CCDC178: variants seen among roughly 807,000 people sequenced by gnomAD.
The protein encoded by CCDC178 is coiled-coil domain containing 178.
A neutral mutation model predicts 117.4 loss-of-function variants in CCDC178; 126 were observed. That is an observed-to-expected ratio of 1.07 (90% CI 0.93 to 1.24). The LOEUF (loss-of-function observed/expected upper bound fraction) is 1.24. CCDC178 is among the 50% of genes most tolerant of loss of function. CCDC178 has a pLI of 0.00. For missense variants in CCDC178, 1,030 were observed against 986.9 expected (o/e 1.04, Z -0.59); for synonymous variants, 283 against 313.4 (o/e 0.90, Z 1.02).
At chr18:33,010,795 G>A (rs1286886293) in intron 21 of CCDC178, among the ~76,000 whole-genome samples, 1 of 152,046 alleles carries the variant, frequency 6.6e-6, no homozygotes, top group East Asian at 1.9e-4. Context: ...ATCACCAAGA[G>A]CCTCAATAAA....
chr18:33,384,548 G>A (rs1206991222), intron 5 of CCDC178, among the ~76,000 whole-genome samples: 1 of 152,114 alleles, frequency 6.6e-6, no homozygotes, highest in African/African-American at 2.4e-5. Context: ...AAGAGATTGG[G>A]GGCCAACATT....
At chr18:33,425,424 T>C (rs546354815) in intron 2 of CCDC178, among the ~76,000 whole-genome samples, 14 of 152,328 alleles carry the variant, frequency 9.2e-5, no homozygotes, top group Admixed American at 8.5e-4. Flanking sequence ...CTCCCTGCCT[T>C]GGCCTCAGAT....
intron 17 of CCDC178, 48 bp downstream of exon 17, chr18:33,224,727 A>C: frequency 8.5e-7 from 1 of 1,170,920 alleles, no homozygotes; most frequent in Non-Finnish European, 1.2e-6. Flanking sequence ...GTAACTTACT[A>C]ACGTATATAT....
At chr18:33,261,285 G>T (rs1028657213) in intron 14 of CCDC178, among the ~76,000 whole-genome samples, 1 of 151,964 alleles carries the variant, frequency 6.6e-6, no homozygotes, top group African/African-American at 2.4e-5. Context: ...GGGTTTCACC[G>T]TGTTAGCCAG....
At chr18:33,213,569 C>T (rs922395145) in intron 19 of CCDC178, among the ~76,000 whole-genome samples, 5 of 151,904 alleles carry the variant, frequency 3.3e-5, no homozygotes, top group Non-Finnish European at 7.4e-5. Context: ...TATATTTTGA[C>T]CACATGTACT....
chr18:33,112,616 GTC>G (rs931449325), intron 20 of CCDC178, among the ~76,000 whole-genome samples: 1 of 151,902 alleles, frequency 6.6e-6, no homozygotes, highest in African/African-American at 2.4e-5. Context: ...CACTAGAAGA[GTC>G]TGCAACAGCA....
At chr18:33,215,988 C>T (rs910020097) in intron 18 of CCDC178, among the ~76,000 whole-genome samples, 3 of 151,848 alleles carry the variant, frequency 2.0e-5, no homozygotes, top group African/African-American at 7.3e-5. Context: ...GTCCCAGCTA[C>T]TTGGGAGGCT....
At chr18:33,065,321 A>C (rs1432915767) in intron 21 of CCDC178, among the ~76,000 whole-genome samples, 1 of 152,168 alleles carries the variant, frequency 6.6e-6, no homozygotes, top group Non-Finnish European at 1.5e-5. Flanking sequence ...ATCATTATAC[A>C]ACATATATAT....
At chr18:33,318,331 C>A (rs2062448799) in intron 11 of CCDC178, among the ~76,000 whole-genome samples, 1 of 152,168 alleles carries the variant, frequency 6.6e-6, no homozygotes, top group Non-Finnish European at 1.5e-5. Flanking sequence ...AAGCTGAGAT[C>A]ATTGGAAGCC....
chr18:33,367,782 C>G (rs374779889), intron 6 of CCDC178, among the ~76,000 whole-genome samples: 1 of 151,536 alleles, frequency 6.6e-6, no homozygotes, highest in Admixed American at 6.6e-5. Context: ...ACTGCACAGT[C>G]AATAATAAAA....
At chr18:33,034,177 T>C (rs2144870830) in intron 21 of CCDC178, among the ~76,000 whole-genome samples, 1 of 152,058 alleles carries the variant, frequency 6.6e-6, no homozygotes, top group Non-Finnish European at 1.5e-5. Flanking sequence ...ACCTCTGAAT[T>C]ATGTCTCATT....
At chr18:33,021,700 T>C (rs1407557140) in intron 21 of CCDC178, among the ~76,000 whole-genome samples, 3 of 152,120 alleles carry the variant, frequency 2.0e-5, no homozygotes, top group Non-Finnish European at 4.4e-5. Context: ...TGTTTATTCC[T>C]CAAACTGCTA....
At chr18:33,039,456 C>T (rs749654739) in intron 21 of CCDC178, among the ~76,000 whole-genome samples, 1 of 152,006 alleles carries the variant, frequency 6.6e-6, no homozygotes, top group Non-Finnish European at 1.5e-5. Flanking sequence ...ACCAGCAAGG[C>T]CAGGTCTAGA....
intron 21 of CCDC178, among the ~76,000 whole-genome samples, chr18:33,039,246 A>G (rs2056501899): frequency 6.6e-6 from 1 of 152,052 alleles, no homozygotes; most frequent in African/African-American, 2.4e-5. Context: ...AAGCATTTCT[A>G]ATTGGAGTAA....
chr18:33,338,765 G>C (rs2062776274), intron 9 of CCDC178, among the ~76,000 whole-genome samples: 1 of 152,108 alleles, frequency 6.6e-6, no homozygotes, highest in African/African-American at 2.4e-5. Flanking sequence ...GGGGTGGCAA[G>C]GGGTAAAAGA....
intron 22 of CCDC178, among the ~76,000 whole-genome samples, chr18:32,948,256 C>T (rs1293564162): frequency 6.6e-6 from 1 of 152,088 alleles, no homozygotes. Context: ...AATTTCGATT[C>T]AGATTGTGTT....
intron 2 of CCDC178, among the ~76,000 whole-genome samples, chr18:33,419,355 G>A (rs2063991514): frequency 6.6e-6 from 1 of 152,148 alleles, no homozygotes; most frequent in Non-Finnish European, 1.5e-5. Flanking sequence ...GATAACCTAG[G>A]AAATACCATT....
intron 21 of CCDC178, among the ~76,000 whole-genome samples, chr18:33,029,869 T>C (rs2056301653): frequency 6.6e-6 from 1 of 152,046 alleles, no homozygotes; most frequent in Non-Finnish European, 1.5e-5. Context: ...ATATCAAATT[T>C]TGTAAAGTTA....
intron 18 of CCDC178, among the ~76,000 whole-genome samples, chr18:33,215,946 T>A (rs992891920): frequency 1.3e-5 from 2 of 151,878 alleles, no homozygotes; most frequent in Admixed American, 1.3e-4. Context: ...AAAATTTTTT[T>A]AAATAGCCAG....
Sources: gnomAD v4.1 joint callset for allele counts (sites outside exome capture counted in the v4.1 genomes callset) on GRCh38, gnomAD v4.1.1 for gene constraint, MANE v1.5 for transcripts, NCBI Gene and HGNC (gene_info 2026-07-23, HGNC 2026-07-21) for gene names.